TMC6: variants seen among roughly 807,000 people sequenced by gnomAD.
TMC6 encodes the protein transmembrane channel-like protein 6.
A neutral mutation model predicts 95.4 loss-of-function variants in TMC6; 71 were observed. The observed-to-expected ratio is 0.74, with a 90% confidence interval of 0.61 to 0.91. TMC6 has a LOEUF of 0.91. TMC6 is among the 40% of genes least tolerant of loss of function. The probability of loss-of-function intolerance (pLI) is 0.00; values close to 1 mark genes in which losing one functional copy is unlikely to be tolerated. For missense variants in TMC6, 1,074 were observed against 1,079.1 expected (o/e 1.00, Z 0.07); for synonymous variants, 514 against 483.1 (o/e 1.06, Z -0.84).
chr17:78,132,313 A>T, upstream of TMC6: 2 of 1,605,992 alleles, frequency 1.2e-6, no homozygotes, highest in Non-Finnish European at 1.7e-6. Flanking sequence ...GCGCGGCCCC[A>T]GCCCCGGCCC....
In TMC6 at chr17:78,107,409, G is replaced by A. The variant is rs1036964851; in HGVS notation, c.*5739C>T. 2 of 152,202 alleles carry A rather than the reference G, an allele frequency of 1.3e-5. No homozygotes were observed. The highest frequency in any genetic ancestry group is 4.8e-5 in the African/African-American group (2 of 41,452). The allele number at this position is 152,202 out of a possible 1,614,324, so 9.4% of individuals were successfully genotyped here. On this transcript the variant is annotated 3_prime_UTR_variant, in exon 20 of 20. Transcript: ENST00000590602. ...CATGCATCGAAAGTTGCTTTCGAAA[G>A]TACAACGCTTTATTGAATCTTAATA...
chr17:78,123,339 G>A (rs115445737), intron 9 of TMC6, among the ~76,000 whole-genome samples: 2,322 of 152,326 alleles, frequency 0.015, 57 homozygotes, highest in African/African-American at 0.054. Flanking sequence ...AGATGCATGG[G>A]TGGATGGGTG....
chr17:78,111,096 C>T lies in TMC6; in HGVS notation c.*2052G>A, dbSNP rs960197440. The T allele has an allele frequency of 2.0e-5, 3 of 152,290 alleles. No homozygotes were observed. The highest frequency in any genetic ancestry group is 3.4e-3 in the Middle Eastern group (1 of 294). The allele number at this position is 152,290 out of a possible 1,614,324, so 9.4% of individuals were successfully genotyped here. A position where few individuals can be genotyped will look rare whatever the true frequency, so the allele number is the denominator to read the frequency against. ...AAGCTTTCAGCTGATAGGATGAGGCCCACCCACATTCTCAAGGATGATCTT... is the reference window on the plus strand; with the variant it reads ...AAGCTTTCAGCTGATAGGATGAGGCTCACCCACATTCTCAAGGATGATCTT... On this transcript the variant is annotated 3_prime_UTR_variant, in exon 20 of 20. Coordinates refer to ENST00000590602, the MANE Select transcript of TMC6 (RefSeq NM_001127198.5).
At chr17:78,115,405 G>A (rs1034463409) in intron 18 of TMC6, among the ~76,000 whole-genome samples, 1 of 152,166 alleles carries the variant, frequency 6.6e-6, no homozygotes, top group Non-Finnish European at 1.5e-5. Context: ...GAGGACAAAT[G>A]GCAATGGGAG....
upstream of TMC6, chr17:78,131,659 C>G: frequency 6.4e-7 from 1 of 1,566,036 alleles, no homozygotes; most frequent in Non-Finnish European, 8.6e-7. Context: ...CTGTGGGAGG[C>G]AGAGATGGAG....
At chr17:78,119,192 C>T in intron 14 of TMC6, 105 bp downstream of exon 14, 1 of 1,533,318 alleles carries the variant, frequency 6.5e-7, no homozygotes, top group Non-Finnish European at 9.0e-7. Flanking sequence ...GGGTCCATGG[C>T]CGGGCCTGGC....
chr17:78,125,541 C>A (rs1162923111), intron 5 of TMC6, among the ~76,000 whole-genome samples, 185 bp downstream of exon 5: 1 of 152,240 alleles, frequency 6.6e-6, no homozygotes, highest in Non-Finnish European at 1.5e-5. Context: ...TGAGGTAAGA[C>A]CCCCACTTCC....
chr17:78,131,900 G>C (rs905969219), upstream of TMC6: 29 of 1,472,414 alleles, frequency 2.0e-5, no homozygotes, highest in Non-Finnish European at 2.5e-5. Flanking sequence ...GGGAGCCCGC[G>C]GGGGTGCAGA....
rs1048131694 is a variant in TMC6, at chr17:78,122,453, A to G, written c.1227+152T>C. ...TCAGGGCCTGCCCGTCACTGCAAGCAGAAGACCACGCCTGCCCAGCGCCCC... is the reference window on the plus strand; with the variant it reads ...TCAGGGCCTGCCCGTCACTGCAAGCGGAAGACCACGCCTGCCCAGCGCCCC... On this transcript the variant is annotated intron_variant, in intron 10 of 19. Coordinates refer to ENST00000590602, the MANE Select transcript of TMC6 (RefSeq NM_001127198.5). The surrounding 1 kb of genome is among the most constrained non-coding windows in gnomAD (Gnocchi z 4.9). 1 of 1,166,294 alleles carries G rather than the reference A, an allele frequency of 8.6e-7. No homozygotes were observed. Among genetic ancestry groups the G allele is most frequent in the Non-Finnish European group, 1.2e-6 (1 of 840,218 alleles). The allele number at this position is 1,166,294 out of a possible 1,614,324, so 72.2% of individuals were successfully genotyped here.
Position 78,113,139 on chromosome 17 carries a change from G to A in TMC6, c.*9C>T, listed in dbSNP as rs949092176. On this transcript the variant is annotated 3_prime_UTR_variant, in exon 20 of 20. Coordinates refer to ENST00000590602, the MANE Select transcript of TMC6 (RefSeq NM_001127198.5). Reference sequence around the variant, plus strand: ...GCTGGGCGGGCCCGTGAGGCCCATCGCCGTCCCCCTAGGCATCCTGTTCAT... The same window carrying A: ...GCTGGGCGGGCCCGTGAGGCCCATCACCGTCCCCCTAGGCATCCTGTTCAT... 3.0e-5 allele frequency: 46 copies of A among 1,552,230 alleles called. No individual in the cohort carries two copies. The highest frequency in any genetic ancestry group is 1.7e-4 in the Middle Eastern group (1 of 5,992).
chr17:78,113,049 A>T lies in TMC6; in HGVS notation c.*99T>A, dbSNP rs2073870561. ...GCGCAGCTGCGGCTTTCGAGAGGCG[A>T]AACTGTCTTCCTTGTCCTGGTGTCC... On this transcript the variant is annotated 3_prime_UTR_variant, in exon 20 of 20. Coordinates refer to ENST00000590602, the MANE Select transcript of TMC6 (RefSeq NM_001127198.5). 6.2e-6 allele frequency: 9 copies of T among 1,445,566 alleles called. No homozygotes were observed. In the South Asian group the frequency reaches 1.1e-4, roughly 18 times the overall value. The allele number at this position is 1,445,566 out of a possible 1,614,324, so 89.5% of individuals were successfully genotyped here. A position where few individuals can be genotyped will look rare whatever the true frequency, so the allele number is the denominator to read the frequency against.
In TMC6 at chr17:78,114,849, C is replaced by T. The variant is rs144612247; in HGVS notation, c.2278-1225G>A. On this transcript the variant is annotated intron_variant, in intron 18 of 19. Transcript: ENST00000590602. ...ACAGCCCCAAAGACGGGTCAGAGCT[C>T]GGCCTTGGGTAGACACCACAGCCAG... Among the ~76,000 whole-genome samples, 355 of 152,330 alleles carry T rather than the reference C, an allele frequency of 2.3e-3. 1 individual carries two copies. The highest frequency in any genetic ancestry group is 8.9e-3 in the East Asian group (46 of 5,188).
At chr17:78,120,380 A>G in intron 13 of TMC6, 2 of 533,730 alleles carry the variant, frequency 3.7e-6, no homozygotes, top group Non-Finnish European at 7.2e-6. Flanking sequence ...GGCTGGTCTC[A>G]AACTCCTGAC....
intron 8 of TMC6, 142 bp from the exon 9 acceptor site, chr17:78,124,321 C>T (rs2074584116): frequency 1.5e-6 from 2 of 1,339,794 alleles, no homozygotes; most frequent in Admixed American, 4.3e-5. Flanking sequence ...CCACAGCAAT[C>T]TTGGGCCTCC....
At chr17:78,131,632 T>A (rs1343244600), upstream of TMC6, 6 of 1,553,724 alleles carry the variant, frequency 3.9e-6, no homozygotes, top group Non-Finnish European at 5.2e-6. Context: ...GCCCCTGGGG[T>A]GCCGGAGCCG....
chr17:78,132,096 A>C, upstream of TMC6: 1 of 1,532,272 alleles, frequency 6.5e-7, no homozygotes, highest in Non-Finnish European at 8.7e-7. Flanking sequence ...GATCGGAAAA[A>C]GGAGAGTGGC....
At position 78,124,896 on chromosome 17, in the gene TMC6, C is replaced by A; in HGVS notation, c.626G>T (p.Cys209Phe). The A allele has an allele frequency of 6.3e-7, 1 of 1,597,040 alleles. No individual in the cohort carries two copies. The highest frequency in any genetic ancestry group is 8.5e-7 in the Non-Finnish European group (1 of 1,173,544). ...CAGACCAGGGGCCCATACCAGCACG[C>A]AGGCATATCTGAGCCGGCCACAGCA... ...CSCCGRLRYA[C>F]VLALHSLGLA... The change falls in exon 7 of 20, where the codon TGC becomes TTC. Residue 209 changes from cysteine (C) to phenylalanine (F), a missense_variant. Physicochemically the swap from Cys to Phe is radical, Grantham distance 205 (BLOSUM62 -2). Coordinates refer to ENST00000590602, the MANE Select transcript of TMC6 (RefSeq NM_001127198.5).
In TMC6 at chr17:78,124,080, T is replaced by G; in HGVS notation, c.991A>C (p.Arg331=). Residue 331 remains arginine, a synonymous_variant, in exon 9 of 20, where the codon AGG becomes CGG. Transcript: ENST00000590602. ...ATGTTGTAGGGCAGGCCACCCACCC[T>G]GGGTGTGCACTGGCTGCCATCCAGG... ...SPLDGSQCTP[R]VGGLPYNMPL... The G allele has an allele frequency of 6.2e-7, 1 of 1,613,392 alleles. No homozygotes were observed. Among genetic ancestry groups the G allele is most frequent in the Non-Finnish European group, 8.5e-7 (1 of 1,179,962 alleles).
chr17:78,113,108 C>G lies in TMC6; in HGVS notation c.*40G>C, dbSNP rs2073872284. On this transcript the variant is annotated 3_prime_UTR_variant, in exon 20 of 20. Coordinates refer to ENST00000590602, the MANE Select transcript of TMC6 (RefSeq NM_001127198.5). ...TCACTGGGAGGCAACAGTGTGGTCT[C>G]AGGGTGCTGGGCGGGCCCGTGAGGC... is the stretch of plus-strand genomic sequence containing the variant. 3 of 1,549,378 alleles carry G rather than the reference C, an allele frequency of 1.9e-6. No homozygotes were observed. The highest frequency in any genetic ancestry group is 1.4e-5 in the African/African-American group (1 of 73,164).
Sources: allele counts gnomAD v4.1 joint callset (sites outside exome capture counted in the v4.1 genomes callset), GRCh38; gene constraint gnomAD v4.1.1; non-coding constraint Gnocchi (gnomAD v3.1); transcripts MANE v1.5; gene names NCBI Gene and HGNC (gene_info 2026-07-23, HGNC 2026-07-21).